The following NBPF11 variants were observed in gnomAD, a reference collection of about 807,000 sequenced individuals.
NBPF11 encodes NBPF family member NBPF11.
Under a neutral mutation model 93.9 loss-of-function variants are expected in NBPF11, and 72 were observed. That is an observed-to-expected ratio of 0.77 (90% CI 0.63 to 0.93). The LOEUF (loss-of-function observed/expected upper bound fraction) is 0.93, where lower values mean the gene tolerates loss of function less well. Ranked by LOEUF, NBPF11 falls within the 40% of genes least tolerant of loss-of-function variation. The probability of loss-of-function intolerance (pLI) is 0.00; values close to 1 mark genes in which losing one functional copy is unlikely to be tolerated. For missense variants in NBPF11, 705 were observed against 802.2 expected (o/e 0.88, Z 1.46); for synonymous variants, 224 against 304.9 (o/e 0.73, Z 2.76).
At chr1:148,138,094 C>A (rs1251798401) in intron 2 of NBPF11, among the ~76,000 whole-genome samples, 1 of 150,582 alleles carries the variant, frequency 6.6e-6, no homozygotes, top group South Asian at 2.1e-4. Context: ...CAGGTAAACA[C>A]GTGAACAAAT....
intron 1 of NBPF11, among the ~76,000 whole-genome samples, chr1:148,146,220 C>T (rs1235158809): frequency 6.6e-6 from 1 of 151,576 alleles, no homozygotes; most frequent in Non-Finnish European, 1.5e-5. Flanking sequence ...CGGCTTGGAC[C>T]GCGATGGGGC....
At chr1:148,116,752 A>G (rs1666651448) in intron 12 of NBPF11, among the ~76,000 whole-genome samples, 1 of 152,038 alleles carries the variant, frequency 6.6e-6, no homozygotes, top group East Asian at 1.9e-4. Context: ...ATGTGGCCAA[A>G]TATTGAAAAG....
At chr1:148,132,713 G>T (rs1670617878) in intron 4 of NBPF11, among the ~76,000 whole-genome samples, 1 of 48,782 alleles carries the variant, frequency 2.0e-5, no homozygotes, top group Admixed American at 2.1e-4. Flanking sequence ...CATAAATTTT[G>T]TTGACTTTCC....
chr1:148,113,568 A>G (rs1236038736), intron 15 of NBPF11, among the ~76,000 whole-genome samples: 6 of 112,308 alleles, frequency 5.3e-5, no homozygotes, highest in African/African-American at 2.2e-4. Flanking sequence ...AATGAGACAG[A>G]AGCTTAACAA....
chr1:148,119,906 A>G (rs1320008979), intron 10 of NBPF11, among the ~76,000 whole-genome samples: 16 of 152,138 alleles, frequency 1.1e-4, no homozygotes, highest in Non-Finnish European at 2.4e-4. Flanking sequence ...TACCCGCCTC[A>G]GCCTCCCAAA....
At chr1:148,121,671 T>C (rs1252455613) in intron 9 of NBPF11, among the ~76,000 whole-genome samples, 3 of 151,844 alleles carry the variant, frequency 2.0e-5, no homozygotes, top group African/African-American at 2.4e-5. Flanking sequence ...TATTAATAGC[T>C]AAGACAAGCC....
In NBPF11 at chr1:148,108,857, AC is replaced by A. The variant is rs1664505015; in HGVS notation, c.1854-204del. ...GAAAGAGAAAGACACACACACACAC[AC>A]ACACACACACACACACACACACACA... is the stretch of plus-strand genomic sequence containing the variant. On this transcript the variant is annotated intron_variant, in intron 17 of 23. Transcript: ENST00000682118. 5.2e-4 allele frequency among the ~76,000 whole-genome samples: 73 copies of A among 140,152 alleles called. 1 individual carries two copies. Among genetic ancestry groups the A allele is most frequent in the African/African-American group, 1.8e-3 (67 of 38,020 alleles). The allele number at this position is 140,152 out of a possible 152,430, so 91.9% of individuals were successfully genotyped here.
In NBPF11 at chr1:148,127,593, G is replaced by A. The variant is rs1429689854; in HGVS notation, c.-35-555C>T. 4.0e-5 allele frequency among the ~76,000 whole-genome samples: 5 copies of A among 124,960 alleles called. No individual in the cohort carries two copies. The South Asian group carries it at 1.2e-3, about 29-fold the overall frequency. The allele number at this position is 124,960 out of a possible 152,430, so 82.0% of individuals were successfully genotyped here. A position where few individuals can be genotyped will look rare whatever the true frequency, so the allele number is the denominator to read the frequency against. On this transcript the variant is annotated intron_variant, in intron 4 of 23. Coordinates refer to ENST00000682118, the MANE Select transcript of NBPF11 (RefSeq NM_001385469.3). ...ATATTTTCTTAATGGTAGTCATGAAGTCATAAATAAAAAAATGGAATCATT... is the reference window on the plus strand; with the variant it reads ...ATATTTTCTTAATGGTAGTCATGAAATCATAAATAAAAAAATGGAATCATT...
intron 9 of NBPF11, among the ~76,000 whole-genome samples, chr1:148,121,748 C>T (rs1472179575): frequency 6.6e-6 from 1 of 152,004 alleles, no homozygotes; most frequent in African/African-American, 2.4e-5. Flanking sequence ...CTCAGCCCAT[C>T]CTCCCACCTA....
intron 4 of NBPF11, among the ~76,000 whole-genome samples, chr1:148,129,088 G>A (rs1387364309): frequency 1.7e-5 from 2 of 117,310 alleles, no homozygotes; most frequent in African/African-American, 6.4e-5. Flanking sequence ...CATGGCACAC[G>A]TGTATATATA....
chr1:148,149,657 C>T, intron 1 of NBPF11: 1 of 1,204,662 alleles, frequency 8.3e-7, no homozygotes. Context: ...ATGTGGACCC[C>T]CCCGGGCGGC....
At chr1:148,146,830 G>C (rs1282546476) in intron 1 of NBPF11, 2 of 1,613,576 alleles carry the variant, frequency 1.2e-6, no homozygotes, top group African/African-American at 2.7e-5. Context: ...CTTCACCTAC[G>C]ACTCCTCCGG....
intron 9 of NBPF11, 140 bp from the exon 10 acceptor site, chr1:148,120,850 C>T (rs1667654586): frequency 2.7e-6 from 2 of 737,824 alleles, no homozygotes; most frequent in Non-Finnish European, 4.9e-6. Context: ...CTTGTCATCT[C>T]CAGTCTTGAT....
At position 148,118,123 on chromosome 1, in the gene NBPF11, G is replaced by C. The variant is rs1273752671; in HGVS notation, c.1092-337C>G. On this transcript the variant is annotated intron_variant, in intron 11 of 23. Coordinates refer to ENST00000682118, the MANE Select transcript of NBPF11 (RefSeq NM_001385469.3). ...ATTTCCATGTGAAAATACACATAGT[G>C]CATCTTGCGGCCATTAGATACAAAG... 9.5e-5 allele frequency among the ~76,000 whole-genome samples: 14 copies of C among 147,662 alleles called. No individual in the cohort carries two copies. The South Asian group carries it at 1.3e-3, about 14-fold the overall frequency.
chr1:148,105,997 A>G (rs1233849171), intron 21 of NBPF11, among the ~76,000 whole-genome samples, 184 bp downstream of exon 21: 6 of 144,876 alleles, frequency 4.1e-5, no homozygotes, highest in Non-Finnish European at 7.5e-5. Context: ...TTAGTAAATG[A>G]TAAGGGGAGG....
intron 1 of NBPF11, among the ~76,000 whole-genome samples, chr1:148,147,911 T>G (rs1422239501): frequency 2.0e-5 from 3 of 152,014 alleles, no homozygotes; most frequent in Non-Finnish European, 4.4e-5. Context: ...TGCTCGGCCA[T>G]CTGTCCTGCT....
In NBPF11 at chr1:148,137,158, C is replaced by T. The variant is rs1468013148; in HGVS notation, c.-178+553G>A. ...TATGACTTTAAGATGGTGAGGTTAC[C>T]GCATGAACTGGATCTAATCACATCA... On this transcript the variant is annotated intron_variant, in intron 3 of 23. Transcript: ENST00000682118. 5.8e-3 allele frequency among the ~76,000 whole-genome samples: 880 copies of T among 151,944 alleles called. 7 individuals carry two copies. The highest frequency in any genetic ancestry group is 0.014 in the Middle Eastern group (4 of 294).
chr1:148,141,823 G>A (rs1367148720), intron 2 of NBPF11, among the ~76,000 whole-genome samples: 1 of 151,804 alleles, frequency 6.6e-6, no homozygotes, highest in Non-Finnish European at 1.5e-5. Flanking sequence ...GAGGACCTAA[G>A]GGCTACAGGA....
intron 9 of NBPF11, 120 bp downstream of exon 9, chr1:148,121,935 C>A: frequency 1.1e-6 from 1 of 877,832 alleles, no homozygotes; most frequent in East Asian, 2.4e-5. Context: ...AGTCACAGCA[C>A]CTAGCTCCAT....
Sources: gnomAD v4.1 joint callset for allele counts (sites outside exome capture counted in the v4.1 genomes callset) on GRCh38, gnomAD v4.1.1 for gene constraint, MANE v1.5 for transcripts, NCBI Gene and HGNC (gene_info 2026-07-23, HGNC 2026-07-21) for gene names.